Variants in ZFAND6 observed in about 807,000 individuals in gnomAD.
ZFAND6 encodes AN1-type zinc finger protein 6.
A neutral mutation model predicts 24.5 loss-of-function variants in ZFAND6; 12 were observed. The ratio of observed to expected loss-of-function variants is 0.49; its 90% CI spans 0.31 to 0.79. The LOEUF (loss-of-function observed/expected upper bound fraction) is 0.79, where lower values mean the gene tolerates loss of function less well. Among genes scored for constraint, ZFAND6 ranks in the 30% least tolerant of loss-of-function variants. ZFAND6 has a pLI of 0.04. For missense variants in ZFAND6, 207 were observed against 245.9 expected, an observed-to-expected ratio of 0.84 and a Z score of 1.06; for synonymous variants, 92 against 81.5, an observed-to-expected ratio of 1.13 and a Z score of -0.69.
rs376920947 is a variant in ZFAND6 at position 80,095,738 on chromosome 15, C to G, written c.-180-2678C>G. On this transcript the variant is annotated intron_variant, in intron 1 of 6. Transcript: ENST00000261749. ...CTCCTGAGACTTCTATACACTGTTT[C>G]AAGTTCTGTACTCTGTACCACGTGA... 2.4e-4 allele frequency among the ~76,000 whole-genome samples: 37 copies of G among 152,302 alleles called. 1 individual carries two copies. In the East Asian group the frequency reaches 6.2e-3, roughly 25 times the overall value.
intron 1 of ZFAND6, among the ~76,000 whole-genome samples, chr15:80,085,097 G>C (rs756813505): frequency 6.6e-6 from 1 of 152,212 alleles, no homozygotes; most frequent in Non-Finnish European, 1.5e-5. Flanking sequence ...GTTGGCTGCT[G>C]ATTCTTCCAT....
In ZFAND6 at chr15:80,106,011, C is replaced by T. The variant is rs1036419935; in HGVS notation, c.-18+7433C>T. ...GTTAGATGTGATGTTTGTGCAGATA[C>T]GTGAAAATCAGACATTAGTATTTCT... On this transcript the variant is annotated intron_variant, in intron 2 of 6. Coordinates refer to ENST00000261749, the MANE Select transcript of ZFAND6 (RefSeq NM_019006.4). 8.5e-5 allele frequency among the ~76,000 whole-genome samples: 13 copies of T among 152,226 alleles called. No homozygotes were observed. The South Asian group carries it at 1.0e-3, about 12-fold the overall frequency.
At chr15:80,089,885 C>G (rs1462098233) in intron 1 of ZFAND6, among the ~76,000 whole-genome samples, 3 of 152,278 alleles carry the variant, frequency 2.0e-5, no homozygotes. Flanking sequence ...CTACTTGTGA[C>G]TCTTGAGTGC....
intron 5 of ZFAND6, 172 bp from the exon 6 acceptor site, chr15:80,131,008 C>A (rs944218597): frequency 2.9e-5 from 14 of 481,286 alleles, no homozygotes; most frequent in East Asian, 1.2e-4. Flanking sequence ...TATATACATA[C>A]ATTTAACAAA....
rs532411226 is a variant in ZFAND6 at position 80,136,123 on chromosome 15, C to CAA, written c.479-1343_479-1342dup. On this transcript the variant is annotated intron_variant, in intron 6 of 6. Transcript: ENST00000261749. ...CCTGAGTGACAGTGAGACCCTGTGT[C>CAA]AAAAAAAAAAAAAAAGACATTTTAA... Among the ~76,000 whole-genome samples the CAA allele has an allele frequency of 1.2e-3, 139 of 117,924 alleles. 1 individual carries two copies. The highest frequency in any genetic ancestry group is 3.4e-3 in the South Asian group (12 of 3,580). The allele number at this position is 117,924 out of a possible 152,430, so 77.4% of individuals were successfully genotyped here.
At chr15:80,093,679 C>A (rs1355268478) in intron 1 of ZFAND6, among the ~76,000 whole-genome samples, 1 of 152,178 alleles carries the variant, frequency 6.6e-6, no homozygotes, top group South Asian at 2.1e-4. Context: ...GAGCCGAGAT[C>A]GCGCCATTGC....
At chr15:80,065,656 T>C (rs1335937831) in intron 1 of ZFAND6, among the ~76,000 whole-genome samples, 4 of 150,348 alleles carry the variant, frequency 2.7e-5, no homozygotes, top group African/African-American at 9.8e-5. Flanking sequence ...GTGATTCTCA[T>C]GCCTCAGCCT....
intron 1 of ZFAND6, among the ~76,000 whole-genome samples, chr15:80,070,175 C>A (rs969446668): frequency 1.3e-5 from 2 of 152,096 alleles, no homozygotes; most frequent in African/African-American, 4.8e-5. Context: ...GATATTGATT[C>A]TTTATGTAAG....
At chr15:80,105,713 C>T (rs1308029208) in intron 2 of ZFAND6, among the ~76,000 whole-genome samples, 2 of 152,050 alleles carry the variant, frequency 1.3e-5, no homozygotes, top group Non-Finnish European at 2.9e-5. Flanking sequence ...GTTCTTTTTT[C>T]TTTTTACTAC....
At chr15:80,064,271 AG>A (rs1238642715) in intron 1 of ZFAND6, among the ~76,000 whole-genome samples, 1 of 152,216 alleles carries the variant, frequency 6.6e-6, no homozygotes, top group Non-Finnish European at 1.5e-5. Context: ...TGTCCTTAAA[AG>A]TTTGACTAAC....
intron 1 of ZFAND6, among the ~76,000 whole-genome samples, chr15:80,080,936 C>G (rs146475294): frequency 4.3e-4 from 65 of 152,296 alleles, no homozygotes; most frequent in African/African-American, 1.4e-3. Context: ...GAGAACTCCT[C>G]CATCCCCATC....
chr15:80,106,589 T>TTG (rs1337078163), intron 2 of ZFAND6, among the ~76,000 whole-genome samples: 1 of 151,980 alleles, frequency 6.6e-6, no homozygotes, highest in East Asian at 1.9e-4. Context: ...AAATTTGTTT[T>TTG]TTTTTTTTTT....
intron 1 of ZFAND6, among the ~76,000 whole-genome samples, chr15:80,095,165 A>G (rs963602825): frequency 2.6e-5 from 4 of 152,152 alleles, no homozygotes; most frequent in African/African-American, 9.7e-5. Context: ...AATCAGGAAC[A>G]TTTCTTCAGC....
rs548273934 is a variant in ZFAND6, at chr15:80,064,397, T to C, written c.-181+4588T>C. Among the ~76,000 whole-genome samples the C allele has an allele frequency of 2.6e-5, 4 of 152,304 alleles. No individual in the cohort carries two copies. In the East Asian group the frequency reaches 5.8e-4, roughly 22 times the overall value. On this transcript the variant is annotated intron_variant, in intron 1 of 6. Transcript: ENST00000261749. The stretch of plus-strand genomic sequence containing the variant: ...CCCTCCATCTTTCCTTCCCTTTCTA[T>C]AGGAATCATCATATATTTCTTTAAT...
chr15:80,131,435 G>T, intron 6 of ZFAND6, 142 bp downstream of exon 6: 3 of 631,508 alleles, frequency 4.8e-6, no homozygotes, highest in Non-Finnish European at 5.0e-6. Context: ...ATTTTCTTAA[G>T]GAAATAAAAA....
chr15:80,107,622 C>T (rs1298532097), intron 2 of ZFAND6, among the ~76,000 whole-genome samples: 2 of 152,026 alleles, frequency 1.3e-5, no homozygotes, highest in African/African-American at 2.4e-5. Context: ...GTCAGGAGTT[C>T]AAGACCAGTC....
At chr15:80,082,590 G>A (rs1330167954) in intron 1 of ZFAND6, among the ~76,000 whole-genome samples, 1 of 152,190 alleles carries the variant, frequency 6.6e-6, no homozygotes, top group Non-Finnish European at 1.5e-5. Context: ...TTTTACTAAT[G>A]TTCCTAAACC....
chr15:80,106,388 C>T (rs1596276313), intron 2 of ZFAND6, among the ~76,000 whole-genome samples: 1 of 152,106 alleles, frequency 6.6e-6, no homozygotes, highest in Non-Finnish European at 1.5e-5. Flanking sequence ...ACAGCCATTC[C>T]TATTCATTTA....
At position 80,137,523 on chromosome 15, in the gene ZFAND6, T is replaced by A; in HGVS notation, c.522T>A (p.Arg174=). Residue 174 remains arginine (R), a synonymous_variant, in exon 7 of 7, where the codon CGT becomes CGA. Transcript: ENST00000261749. ...GAAATGTTTACTGTGGTGTACACCG[T>A]TACTCAGATGTACACAATTGCTCTT... ...RCGNVYCGVH[R]YSDVHNCSYN... 6.2e-7 allele frequency: 1 copy of A among 1,607,282 alleles called. No homozygotes were observed. The highest frequency in any genetic ancestry group is 8.5e-7 in the Non-Finnish European group (1 of 1,178,230).
Sources: allele counts gnomAD v4.1 joint callset (sites outside exome capture counted in the v4.1 genomes callset), GRCh38; gene constraint gnomAD v4.1.1; transcripts MANE v1.5; gene names NCBI Gene and HGNC (gene_info 2026-07-23, HGNC 2026-07-21).